The following ATXN10 variants were observed in gnomAD, a reference collection of about 807,000 sequenced individuals.
ATXN10 encodes the protein ataxin-10.
Under a neutral mutation model 52.9 loss-of-function variants are expected in ATXN10, and 28 were observed. That is an observed-to-expected ratio of 0.53 (90% confidence interval 0.39 to 0.73). ATXN10 has a LOEUF of 0.73. Ranked by LOEUF, ATXN10 falls within the 30% of genes least tolerant of loss-of-function variation. The pLI, the probability that ATXN10 is intolerant of heterozygous loss-of-function variation, is 0.00. For missense variants in ATXN10, 565 were observed against 577.0 expected, an observed-to-expected ratio of 0.98 and a Z score of 0.21; for synonymous variants, 226 against 221.5, an observed-to-expected ratio of 1.02 and a Z score of -0.18.
chr22:45,789,648 C>T lies in ATXN10; in HGVS notation c.1174-17311C>T, dbSNP rs1014298356. Among the ~76,000 whole-genome samples the T allele has an allele frequency of 1.3e-5, 2 of 152,198 alleles. No homozygotes were observed. Among genetic ancestry groups the T allele is most frequent in the African/African-American group, 4.8e-5 (2 of 41,458 alleles). ...ACGACAAGAAGAAGAGAGGGAGAGC[C>T]TTCTAACCCATCCAGCCCCTTTGTG... On this transcript the variant is annotated intron_variant, in intron 9 of 11. Transcript: ENST00000252934. This position sits in a 1 kb window ranked among gnomAD's most constrained non-coding sequence, Gnocchi z 4.0.
In ATXN10 at chr22:45,701,061, A is replaced by G. The variant is rs1923824724; in HGVS notation, c.488+683A>G. Among the ~76,000 whole-genome samples the G allele has an allele frequency of 6.6e-6, 1 of 152,232 alleles. No individual in the cohort carries two copies. Among genetic ancestry groups the G allele is most frequent in the Non-Finnish European group, 1.5e-5 (1 of 68,042 alleles). ...ATAGAGTCAGTATACCTAGTAGGAA[A>G]GGCACAGTCTGGGAGTGGGAGACCT... On this transcript the variant is annotated intron_variant, in intron 4 of 11. Coordinates refer to ENST00000252934, the MANE Select transcript of ATXN10 (RefSeq NM_013236.4). This position sits in a 1 kb window ranked among gnomAD's most constrained non-coding sequence, Gnocchi z 4.2.
Position 45,750,579 on chromosome 22 carries a change from T to G in ATXN10, c.1173+10041T>G, listed in dbSNP as rs1038196224. Reference sequence around the variant, plus strand: ...AGATATTAGTTATTTTTAAACTGATTTTTATTACTAGACCAATTAAAATCC... The same window carrying G: ...AGATATTAGTTATTTTTAAACTGATGTTTATTACTAGACCAATTAAAATCC... On this transcript the variant is annotated intron_variant, in intron 9 of 11. Transcript: ENST00000252934. The surrounding 1 kb of genome is among the most constrained non-coding windows in gnomAD (Gnocchi z 4.2). Among the ~76,000 whole-genome samples, 1 of 152,186 alleles carries G rather than the reference T, an allele frequency of 6.6e-6. No individual in the cohort carries two copies. The highest frequency in any genetic ancestry group is 1.9e-4 in the East Asian group (1 of 5,202).
At chr22:45,782,605 C>T (rs9614517) in intron 9 of ATXN10, among the ~76,000 whole-genome samples, 9 of 152,090 alleles carry the variant, frequency 5.9e-5, no homozygotes, top group Admixed American at 5.2e-4. Flanking sequence ...ATACTAACCT[C>T]TAGTAGGGGT....
chr22:45,831,601 T>A (rs1173032757), intron 10 of ATXN10, among the ~76,000 whole-genome samples: 2 of 152,186 alleles, frequency 1.3e-5, no homozygotes, highest in Non-Finnish European at 2.9e-5. Context: ...TTTGCATCCA[T>A]CCTATGAAAC....
intron 9 of ATXN10, among the ~76,000 whole-genome samples, chr22:45,798,671 G>A (rs1222314658): frequency 6.6e-6 from 1 of 152,178 alleles, no homozygotes; most frequent in Non-Finnish European, 1.5e-5. Flanking sequence ...AAGGTCCAGA[G>A]CAACTCACTA....
intron 9 of ATXN10, among the ~76,000 whole-genome samples, chr22:45,767,653 A>G (rs1159476303): frequency 2.0e-5 from 3 of 152,142 alleles, no homozygotes; most frequent in Non-Finnish European, 4.4e-5. Context: ...ATTAAAAAGG[A>G]AATACAAATA....
rs755689909 is a variant in ATXN10, at chr22:45,793,704, C to G, written c.1174-13255C>G. The G allele has an allele frequency of 9.5e-6, 14 of 1,481,356 alleles. No individual in the cohort carries two copies. The African/African-American group carries it at 1.9e-4, about 20-fold the overall frequency. The allele number at this position is 1,481,356 out of a possible 1,614,324, so 91.8% of individuals were successfully genotyped here. On this transcript the variant is annotated intron_variant, in intron 9 of 11. Transcript: ENST00000252934. ...AAGTCACCAATCACACAGCTCCATGCTGAGGCCCTCTTGCCTGCTACTGAG... is the reference window on the plus strand; with the variant it reads ...AAGTCACCAATCACACAGCTCCATGGTGAGGCCCTCTTGCCTGCTACTGAG...
Position 45,672,288 on chromosome 22 carries a change from A to G in ATXN10, c.116+109A>G, listed in dbSNP as rs1273057296. On this transcript the variant is annotated intron_variant, in intron 1 of 11. Transcript: ENST00000252934. The stretch of plus-strand genomic sequence containing the variant: ...CGCCCCCGCCTCGCTGGAGACGCGG[A>G]GGGCGAGGCCTGCGCGGGCTGCCTG... 6.8e-6 allele frequency: 8 copies of G among 1,174,572 alleles called. No individual in the cohort carries two copies. The South Asian group carries it at 2.2e-4, about 32-fold the overall frequency. The allele number at this position is 1,174,572 out of a possible 1,614,324, so 72.8% of individuals were successfully genotyped here.
At position 45,718,562 on chromosome 22, in the gene ATXN10, A is replaced by G; in HGVS notation, c.728+69A>G. 7.5e-7 allele frequency: 1 copy of G among 1,338,030 alleles called. No individual in the cohort carries two copies. The highest frequency in any genetic ancestry group is 1.2e-5 in the South Asian group (1 of 85,494). The allele number at this position is 1,338,030 out of a possible 1,614,324, so 82.9% of individuals were successfully genotyped here. ...ATAGGGTATTCGATGCACGTGACTG[A>G]AAAGCTGTGTGGTTTCTGAGTTGGC... is the stretch of plus-strand genomic sequence containing the variant. On this transcript the variant is annotated intron_variant, in intron 6 of 11. Transcript: ENST00000252934. This position sits in a 1 kb window ranked among gnomAD's most constrained non-coding sequence, Gnocchi z 4.4.
intron 10 of ATXN10, among the ~76,000 whole-genome samples, chr22:45,814,868 G>C (rs370612265): frequency 1.3e-5 from 2 of 152,230 alleles, no homozygotes; most frequent in Non-Finnish European, 2.9e-5. Context: ...ACATGTGAGG[G>C]ATCTAGGTTG....
chr22:45,679,201 C>G (rs551065665), intron 1 of ATXN10: 1 of 152,340 alleles, frequency 6.6e-6, no homozygotes, highest in East Asian at 1.9e-4. Context: ...GGCCAGGACT[C>G]TTATTTACCT....
chr22:45,778,556 T>C (rs1927039824), intron 9 of ATXN10, among the ~76,000 whole-genome samples: 1 of 152,238 alleles, frequency 6.6e-6, no homozygotes, highest in African/African-American at 2.4e-5. Flanking sequence ...GGAACCCTTA[T>C]AAGTCCGCGT....
intron 1 of ATXN10, among the ~76,000 whole-genome samples, chr22:45,689,308 A>C (rs188257491): frequency 6.6e-6 from 1 of 152,338 alleles, no homozygotes; most frequent in Admixed American, 6.5e-5. Context: ...AAGCATGAGC[A>C]GTCACTGGAA....
intron 9 of ATXN10, among the ~76,000 whole-genome samples, chr22:45,785,817 G>A (rs1377513626): frequency 6.6e-6 from 1 of 152,204 alleles, no homozygotes; most frequent in East Asian, 1.9e-4. Flanking sequence ...TGCAGGAGGG[G>A]TATACTTGGC....
chr22:45,830,110 C>T (rs1928940603), intron 10 of ATXN10, among the ~76,000 whole-genome samples: 1 of 152,180 alleles, frequency 6.6e-6, no homozygotes, highest in Admixed American at 6.5e-5. Flanking sequence ...CAACACCATT[C>T]AGTGGAGAAA....
intron 7 of ATXN10, 178 bp downstream of exon 7, chr22:45,729,768 A>G (rs1163346401): frequency 1.3e-6 from 1 of 751,426 alleles, no homozygotes. Context: ...CCTTATTCCT[A>G]CCATCCAGAG....
In ATXN10 at chr22:45,820,993, T is replaced by A. The variant is rs1402995924; in HGVS notation, c.1237+13971T>A. 3.9e-5 allele frequency among the ~76,000 whole-genome samples: 6 copies of A among 152,344 alleles called. No individual in the cohort carries two copies. Among genetic ancestry groups the A allele is most frequent in the African/African-American group, 1.4e-4 (6 of 41,576 alleles). ...CCTGAATATGACGAGACTTAACTTT[T>A]ACAAGAGAGTCTTGCCTTCGTCTTT... On this transcript the variant is annotated intron_variant, in intron 10 of 11. Transcript: ENST00000252934. The surrounding 1 kb of genome is among the most constrained non-coding windows in gnomAD (Gnocchi z 4.9).
At position 45,843,971 on chromosome 22, in the gene ATXN10, AC is replaced by A. The variant is rs1929431603; in HGVS notation, c.*301del. The A allele has an allele frequency of 2.4e-6, 1 of 411,250 alleles. No homozygotes were observed. Among genetic ancestry groups the A allele is most frequent in the South Asian group, 3.2e-5 (1 of 30,812 alleles). 25.5% of individuals were successfully genotyped at this position (411,250 alleles called of 1,614,324 possible). A position where few individuals can be genotyped will look rare whatever the true frequency, so the allele number is the denominator to read the frequency against. ...ATAATAAACCAGTCTCTTGGAGGGC[AC>A]AACCCTTATTTGACAAAACTTGGAT... On this transcript the variant is annotated 3_prime_UTR_variant, in exon 12 of 12. Coordinates refer to ENST00000252934, the MANE Select transcript of ATXN10 (RefSeq NM_013236.4). The surrounding 1 kb of genome is among the most constrained non-coding windows in gnomAD (Gnocchi z 4.5).
intron 9 of ATXN10, among the ~76,000 whole-genome samples, chr22:45,761,112 T>A (rs138304438): frequency 1.3e-4 from 20 of 152,254 alleles, no homozygotes; most frequent in African/African-American, 4.3e-4. Context: ...AAGGGTGACC[T>A]CAGTATTTTA....
Sources: gnomAD v4.1 joint callset for allele counts (sites outside exome capture counted in the v4.1 genomes callset) on GRCh38, gnomAD v4.1.1 for gene constraint, Gnocchi (gnomAD v3.1) non-coding constraint, MANE v1.5 for transcripts, NCBI Gene and HGNC (gene_info 2026-07-23, HGNC 2026-07-21) for gene names.